SLC35F3: variants seen among roughly 807,000 people sequenced by gnomAD.
SLC35F3 encodes the protein putative thiamine transporter SLC35F3.
A neutral mutation model predicts 49.9 loss-of-function variants in SLC35F3; 25 were observed. That is an observed-to-expected ratio of 0.50 (90% CI 0.37 to 0.70). The LOEUF (loss-of-function observed/expected upper bound fraction) is 0.70. Ranked by LOEUF, SLC35F3 falls within the 30% of genes least tolerant of loss-of-function variation. The pLI is 0.00. For synonymous variants in SLC35F3, 275 were observed against 265.4 expected (o/e 1.04, Z -0.35); for missense variants, 525 against 639.8 (o/e 0.82, Z 1.94).
intron 2 of SLC35F3, among the ~76,000 whole-genome samples, chr1:234,029,642 G>C (rs1194472571): frequency 6.6e-6 from 1 of 152,132 alleles, no homozygotes; most frequent in East Asian, 1.9e-4. Context: ...AAAAGTCATT[G>C]GTTTCTTCCT....
intron 2 of SLC35F3, among the ~76,000 whole-genome samples, chr1:234,186,217 T>C (rs1440728339): frequency 6.6e-6 from 1 of 152,212 alleles, no homozygotes; most frequent in Non-Finnish European, 1.5e-5. Flanking sequence ...TGAGGTGAGA[T>C]ATGACTTGCT....
At chr1:234,089,115 G>A (rs1039829333) in intron 2 of SLC35F3, among the ~76,000 whole-genome samples, 1 of 151,986 alleles carries the variant, frequency 6.6e-6, no homozygotes, top group Non-Finnish European at 1.5e-5. Flanking sequence ...CCACGAGGCA[G>A]TGTTGGCATT....
chr1:234,187,265 C>T (rs974652495), intron 2 of SLC35F3, among the ~76,000 whole-genome samples: 1 of 152,106 alleles, frequency 6.6e-6, no homozygotes, highest in African/African-American at 2.4e-5. Flanking sequence ...ACCTCCTAGG[C>T]GAATGGAAAA....
chr1:233,973,842 A>T (rs1268801020), intron 2 of SLC35F3, among the ~76,000 whole-genome samples: 2 of 152,042 alleles, frequency 1.3e-5, no homozygotes, highest in South Asian at 2.1e-4. Flanking sequence ...CTAAGCATAA[A>T]TTTTTTTTCT....
chr1:233,980,970 T>C (rs1220682213), intron 2 of SLC35F3, among the ~76,000 whole-genome samples: 1 of 152,218 alleles, frequency 6.6e-6, no homozygotes, highest in Admixed American at 6.5e-5. Context: ...ATAGATAAAT[T>C]AGTTCATTTT....
chr1:233,997,704 TA>T (rs1360279888), intron 2 of SLC35F3, among the ~76,000 whole-genome samples: 2 of 152,268 alleles, frequency 1.3e-5, no homozygotes, highest in East Asian at 3.9e-4. Flanking sequence ...TTGAGAAATA[TA>T]ATATTCTGAG....
At chr1:233,976,671 C>T (rs970268696) in intron 2 of SLC35F3, among the ~76,000 whole-genome samples, 1 of 152,022 alleles carries the variant, frequency 6.6e-6, no homozygotes, top group African/African-American at 2.4e-5. Context: ...AGTGCAGTGG[C>T]ACCATCTCAG....
chr1:233,957,268 G>A lies in SLC35F3; in HGVS notation c.283+51510G>A, dbSNP rs546098214. Among the ~76,000 whole-genome samples, 9 of 152,244 alleles carry A rather than the reference G, an allele frequency of 5.9e-5. No homozygotes were observed. In the East Asian group the frequency reaches 1.7e-3, roughly 29 times the overall value. ...TGGACTGAAATGTACTACTTAAGGA[G>A]GCTGAATATAAAGGAATCTGAACCA... On this transcript the variant is annotated intron_variant, in intron 2 of 7. Coordinates refer to ENST00000366618, the MANE Select transcript of SLC35F3 (RefSeq NM_173508.4). This position sits in a 1 kb window ranked among gnomAD's most constrained non-coding sequence, Gnocchi z 4.0.
chr1:233,911,700 C>T (rs1168952574), intron 2 of SLC35F3, among the ~76,000 whole-genome samples: 1 of 152,178 alleles, frequency 6.6e-6, no homozygotes, highest in African/African-American at 2.4e-5. Context: ...ACTTTTAAAG[C>T]ATTTACTATG....
intron 2 of SLC35F3, among the ~76,000 whole-genome samples, chr1:233,969,065 G>GT (rs1269700328): frequency 2.0e-5 from 3 of 150,252 alleles, no homozygotes; most frequent in African/African-American, 4.9e-5. Flanking sequence ...TATTTTGGGG[G>GT]GGGGGACACA....
chr1:234,100,372 C>T (rs1665196493), intron 2 of SLC35F3, among the ~76,000 whole-genome samples: 1 of 152,170 alleles, frequency 6.6e-6, no homozygotes, highest in South Asian at 2.1e-4. Context: ...TTAGATGCAC[C>T]TATATCGACG....
At chr1:234,111,540 G>A (rs1356101094) in intron 2 of SLC35F3, among the ~76,000 whole-genome samples, 7 of 152,176 alleles carry the variant, frequency 4.6e-5, no homozygotes, top group African/African-American at 7.2e-5. Flanking sequence ...TCATCCGCCC[G>A]CCTCGGCTTC....
At chr1:234,179,693 A>G (rs903413753) in intron 2 of SLC35F3, among the ~76,000 whole-genome samples, 9 of 152,062 alleles carry the variant, frequency 5.9e-5, no homozygotes, top group Non-Finnish European at 1.3e-4. Flanking sequence ...GGGTTTTATG[A>G]GCCAAGGACA....
At chr1:234,159,899 A>G (rs1455799307) in intron 2 of SLC35F3, among the ~76,000 whole-genome samples, 3 of 152,170 alleles carry the variant, frequency 2.0e-5, no homozygotes, top group Non-Finnish European at 4.4e-5. Context: ...TTGTGTCTGG[A>G]CTAATTTCTC....
intron 2 of SLC35F3, among the ~76,000 whole-genome samples, chr1:234,169,966 ACCGTGTTAG>A (rs2102918248): frequency 6.6e-6 from 1 of 152,108 alleles, no homozygotes; most frequent in African/African-American, 2.4e-5. Flanking sequence ...ACGGGGTTTC[ACCGTGTTAG>A]CCAGGATGGT....
Position 234,309,099 on chromosome 1 carries a change from A to G in SLC35F3, c.609-2A>G, listed in dbSNP as rs1392264251. The G allele has an allele frequency of 6.2e-7, 1 of 1,612,674 alleles. No homozygotes were observed. The highest frequency in any genetic ancestry group is 8.5e-7 in the Non-Finnish European group (1 of 1,179,432). ...AACGATGCCTCTCTTTCCTTGTTTTAGGGAATGCTGTCGATTTTTTGGAGA... is the reference window on the plus strand; with the variant it reads ...AACGATGCCTCTCTTTCCTTGTTTTGGGGAATGCTGTCGATTTTTTGGAGA... On this transcript the variant is annotated splice_acceptor_variant, in intron 3 of 7. Transcript: ENST00000366618. LOFTEE classifies it high-confidence loss of function.
intron 5 of SLC35F3, 62 bp from the exon 6 acceptor site, chr1:234,318,689 C>T (rs1157713766): frequency 6.8e-7 from 1 of 1,462,406 alleles, no homozygotes; most frequent in Non-Finnish European, 9.4e-7. Context: ...CTCTGCTTTG[C>T]TTACATCATA....
chr1:234,215,597 G>A (rs551263335), intron 2 of SLC35F3, among the ~76,000 whole-genome samples: 12 of 152,298 alleles, frequency 7.9e-5, no homozygotes, highest in East Asian at 1.9e-4. Flanking sequence ...CATGGGCTCC[G>A]ACAGAGCCTG....
At chr1:234,223,771 A>T (rs1667243866) in intron 2 of SLC35F3, among the ~76,000 whole-genome samples, 1 of 152,186 alleles carries the variant, frequency 6.6e-6, no homozygotes, top group African/African-American at 2.4e-5. Flanking sequence ...TAGCACCACC[A>T]TAACAACATA....
Sources: gnomAD v4.1 joint callset for allele counts (sites outside exome capture counted in the v4.1 genomes callset) on GRCh38, gnomAD v4.1.1 for gene constraint, Gnocchi (gnomAD v3.1) non-coding constraint, MANE v1.5 for transcripts, NCBI Gene and HGNC (gene_info 2026-07-23, HGNC 2026-07-21) for gene names.